ITPR2: variants seen among roughly 807,000 people sequenced by gnomAD.
ITPR2 encodes the protein inositol 1,4,5-trisphosphate receptor type 2, also known as inositol 1,4,5-trisphosphate-gated calcium channel ITPR2.
A neutral mutation model predicts 317.1 loss-of-function variants in ITPR2; 207 were observed. That is an observed-to-expected ratio of 0.65 (90% CI 0.58 to 0.73). The LOEUF is 0.73. ITPR2 is among the 30% of genes least tolerant of loss of function. ITPR2 has a pLI of 0.00. For missense variants in ITPR2, 2,613 were observed against 3,284.0 expected, an observed-to-expected ratio of 0.80 and a Z score of 4.99; for synonymous variants, 1,156 against 1,149.1, an observed-to-expected ratio of 1.01 and a Z score of -0.12.
chr12:26,700,388 C>T (rs567698909), intron 9 of ITPR2, among the ~76,000 whole-genome samples: 4 of 152,266 alleles, frequency 2.6e-5, no homozygotes, highest in South Asian at 2.1e-4. Flanking sequence ...GTGTCACTTA[C>T]GAAATACTTT....
chr12:26,588,973 TCTTTACGTGC>T (rs1403469512), intron 32 of ITPR2, among the ~76,000 whole-genome samples: 6 of 152,220 alleles, frequency 3.9e-5, no homozygotes, highest in Non-Finnish European at 5.9e-5. Flanking sequence ...TAGTCTACCC[TCTTTACGTGC>T]CTTCTAATAA....
chr12:26,579,202 T>C (rs1945338943), intron 33 of ITPR2, among the ~76,000 whole-genome samples: 1 of 152,140 alleles, frequency 6.6e-6, no homozygotes, highest in Admixed American at 6.6e-5. Context: ...GATGGGCAAG[T>C]AGAGGAGACA....
chr12:26,509,859 C>T (rs969911904), intron 37 of ITPR2, among the ~76,000 whole-genome samples: 1 of 151,614 alleles, frequency 6.6e-6, no homozygotes, highest in Non-Finnish European at 1.5e-5. Flanking sequence ...TAAACAACTT[C>T]ATGGAAATTA....
At chr12:26,361,301 A>G (rs1938823146) in intron 55 of ITPR2, among the ~76,000 whole-genome samples, 1 of 152,128 alleles carries the variant, frequency 6.6e-6, no homozygotes, top group Non-Finnish European at 1.5e-5. Flanking sequence ...TCATAGCAAG[A>G]TCTACACAGC....
intron 45 of ITPR2, among the ~76,000 whole-genome samples, chr12:26,452,289 T>C (rs1941760701): frequency 6.6e-6 from 1 of 152,212 alleles, no homozygotes. Flanking sequence ...AATGAAGTGT[T>C]TTTAAAGAAT....
rs754729754 is a variant in ITPR2, at chr12:26,399,033, C to A, written c.7539G>T (p.Leu2513Phe). Residue 2513 changes from leucine to phenylalanine, a missense_variant, in exon 54 of 57, where the codon TTG becomes TTT. Transcript: ENST00000381340. ...VLRRPSKDEP[L>F]FAARVVYDLL... ...GGTCATAAACCACTCGGGCAGCAAA[C>A]AAGGGCTCCTGAAATAAAAATATTT... 18 of 1,578,512 alleles carry A rather than the reference C, an allele frequency of 1.1e-5. No individual in the cohort carries two copies. The highest frequency in any genetic ancestry group is 1.0e-4 in the Admixed American group (5 of 49,512).
intron 9 of ITPR2, among the ~76,000 whole-genome samples, chr12:26,703,363 T>C (rs1948489096): frequency 6.6e-6 from 1 of 152,238 alleles, no homozygotes; most frequent in South Asian, 2.1e-4. Context: ...TAATCATCTC[T>C]GTTTTCTTCA....
At chr12:26,342,826 C>T (rs76829083) in intron 55 of ITPR2, among the ~76,000 whole-genome samples, 13,580 of 152,008 alleles carry the variant, frequency 0.089, 777 homozygotes, top group South Asian at 0.19. Context: ...TCAGGCTAGT[C>T]TTGAACTCCT....
chr12:26,731,169 T>A (rs999943812), intron 2 of ITPR2, among the ~76,000 whole-genome samples: 6 of 152,132 alleles, frequency 3.9e-5, no homozygotes, highest in African/African-American at 1.4e-4. Flanking sequence ...AAAGATGTCT[T>A]AAGATTTAAA....
intron 2 of ITPR2, among the ~76,000 whole-genome samples, chr12:26,735,896 T>G (rs1195789508): frequency 1.3e-5 from 2 of 152,328 alleles, no homozygotes; most frequent in East Asian, 1.9e-4. Flanking sequence ...GAAGATGCCC[T>G]TTTAAAAATG....
chr12:26,657,774 T>C lies in ITPR2; in HGVS notation c.2125A>G (p.Ile709Val), dbSNP rs1565671102. 6 of 1,614,192 alleles carry C rather than the reference T, an allele frequency of 3.7e-6. No homozygotes were observed. The highest frequency in any genetic ancestry group is 3.3e-5 in the Admixed American group (2 of 60,026). ...DSNKEPHGKAIRHLAQEAKEG... is the reference protein window; with the variant it reads ...DSNKEPHGKAVRHLAQEAKEG... ...TTTGCCTCTTGAGCAAGGTGCCTGATAGCTTTGCCATGAGGTTCCTTGTTG... is the reference window on the plus strand; with the variant it reads ...TTTGCCTCTTGAGCAAGGTGCCTGACAGCTTTGCCATGAGGTTCCTTGTTG... Residue 709 changes from isoleucine to valine, a missense_variant, in exon 18 of 57, where the codon ATC becomes GTC. Around this residue, in one of 9 missense-constraint regions of ITPR2, gnomAD observed 817 missense variants for 897.6 expected, o/e 0.91. Transcript: ENST00000381340.
chr12:26,824,161 G>A (rs565776343), intron 1 of ITPR2, among the ~76,000 whole-genome samples: 44 of 152,176 alleles, frequency 2.9e-4, no homozygotes, highest in Admixed American at 2.0e-3. Flanking sequence ...CCTACACTGG[G>A]CAAATACAAA....
intron 1 of ITPR2, among the ~76,000 whole-genome samples, chr12:26,799,635 T>C (rs1950519471): frequency 6.6e-6 from 1 of 152,226 alleles, no homozygotes; most frequent in Admixed American, 6.5e-5. Flanking sequence ...AGAAAAATCA[T>C]CGTGACTTTT....
intron 9 of ITPR2, among the ~76,000 whole-genome samples, chr12:26,708,148 G>A (rs1029736881): frequency 7.9e-5 from 12 of 152,168 alleles, no homozygotes; most frequent in Non-Finnish European, 1.6e-4. Flanking sequence ...ATGGTTGGTA[G>A]GAATGTAAAT....
chr12:26,706,984 A>T (rs1310192958), intron 9 of ITPR2, among the ~76,000 whole-genome samples: 1 of 152,108 alleles, frequency 6.6e-6, no homozygotes, highest in Non-Finnish European at 1.5e-5. Flanking sequence ...GTCCATGTCT[A>T]TTATTTTCTT....
intron 40 of ITPR2, chr12:26,486,747 T>C: frequency 1.8e-6 from 1 of 563,468 alleles, no homozygotes; most frequent in East Asian, 4.3e-5. Flanking sequence ...TGGAGTTTGG[T>C]GTGGTAATTT....
chr12:26,661,276 G>GTGT (rs1491581067), intron 15 of ITPR2, among the ~76,000 whole-genome samples: 1 of 33,444 alleles, frequency 3.0e-5, no homozygotes, highest in African/African-American at 1.9e-4. Context: ...GTGTGTGTGT[G>GTGT]GGGGGGGGGG....
intron 13 of ITPR2, among the ~76,000 whole-genome samples, chr12:26,669,430 A>G (rs1267256307): frequency 1.3e-5 from 2 of 152,242 alleles, no homozygotes; most frequent in Non-Finnish European, 2.9e-5. Flanking sequence ...AGAAATAAGT[A>G]TTCAGATTAA....
intron 1 of ITPR2, among the ~76,000 whole-genome samples, chr12:26,827,251 C>G (rs1479712292): frequency 6.6e-6 from 1 of 151,964 alleles, no homozygotes; most frequent in African/African-American, 2.4e-5. Context: ...ACAAAGCAGG[C>G]CCCTTTGCAC....
Sources: allele counts gnomAD v4.1 joint callset (sites outside exome capture counted in the v4.1 genomes callset), GRCh38; gene constraint gnomAD v4.1.1; regional missense constraint gnomAD v4.1.1; transcripts MANE v1.5; gene names NCBI Gene and HGNC (gene_info 2026-07-23, HGNC 2026-07-21).